The following TLN2 variants were observed in gnomAD, a reference collection of about 807,000 sequenced individuals.
TLN2 encodes talin 2.
TLN2 carries 118 observed loss-of-function variants against 294.7 expected under a neutral mutation model. The ratio of observed to expected loss-of-function variants is 0.40; its 90% confidence interval spans 0.34 to 0.47. The LOEUF is 0.47. Among genes scored for constraint, TLN2 ranks in the 20% least tolerant of loss-of-function variants. TLN2 has a pLI of 0.84. For missense variants in TLN2, 3,083 were observed against 3,282.2 expected (o/e 0.94, Z 1.48); for synonymous variants, 1,431 against 1,304.5 (o/e 1.10, Z -2.09).
At chr15:62,484,357 T>G (rs2038268119) in intron 1 of TLN2, among the ~76,000 whole-genome samples, 1 of 152,146 alleles carries the variant, frequency 6.6e-6, no homozygotes, top group Admixed American at 6.5e-5. Flanking sequence ...ACCAAGTAAG[T>G]TCAACTGAAA....
chr15:62,689,735 T>A (rs2057615287), intron 12 of TLN2, among the ~76,000 whole-genome samples: 1 of 151,566 alleles, frequency 6.6e-6, no homozygotes, highest in Non-Finnish European at 1.5e-5. Flanking sequence ...TTTCTAATGA[T>A]AAATTTGCTG....
intron 3 of TLN2, among the ~76,000 whole-genome samples, chr15:62,641,427 G>A (rs865803916): frequency 5.9e-5 from 9 of 151,786 alleles, no homozygotes; most frequent in African/African-American, 2.2e-4. Context: ...GACCAGCCTG[G>A]CCAACATGGA....
At chr15:62,557,051 C>T (rs2042645598) in intron 1 of TLN2, among the ~76,000 whole-genome samples, 1 of 152,148 alleles carries the variant, frequency 6.6e-6, no homozygotes, top group Non-Finnish European at 1.5e-5. Context: ...GAGGAATTCC[C>T]CATGTATAGG....
intron 27 of TLN2, 30 bp downstream of exon 27, chr15:62,725,134 G>A (rs2060366565): frequency 2.5e-6 from 4 of 1,587,914 alleles, no homozygotes; most frequent in African/African-American, 1.3e-5. Flanking sequence ...TGGGGTGCGG[G>A]TGTACCTTTT....
At chr15:62,505,147 C>T (rs554034312) in intron 1 of TLN2, among the ~76,000 whole-genome samples, 46 of 152,020 alleles carry the variant, frequency 3.0e-4, no homozygotes, top group Non-Finnish European at 5.1e-4. Flanking sequence ...TTAGTAGAGA[C>T]GGGGTTTCAC....
intron 1 of TLN2, among the ~76,000 whole-genome samples, chr15:62,449,388 G>A (rs1241301015): frequency 6.6e-6 from 1 of 152,048 alleles, no homozygotes; most frequent in Non-Finnish European, 1.5e-5. Context: ...AAGATCCTTG[G>A]GGCTGCAGTA....
At position 62,708,756 on chromosome 15, in the gene TLN2, G is replaced by C; in HGVS notation, c.2427G>C (p.Met809Ile). The change falls in exon 21 of 59, where the codon ATG (methionine) becomes ATC (isoleucine). Residue 809 changes from methionine (M) to isoleucine (I), a missense_variant. Transcript: ENST00000636159. ...GRYDQATDTI[M>I]CVTESIFSSM... ...ACGACCAGGCTACTGACACCATCAT[G>C]TGTGTCACCGAGAGCATCTTCAGCT... The C allele has an allele frequency of 6.2e-7, 1 of 1,607,922 alleles. No homozygotes were observed. Among genetic ancestry groups the C allele is most frequent in the Non-Finnish European group, 8.5e-7 (1 of 1,179,982 alleles).
chr15:62,495,004 A>T (rs1216798613), intron 1 of TLN2, among the ~76,000 whole-genome samples: 1 of 152,146 alleles, frequency 6.6e-6, no homozygotes, highest in Non-Finnish European at 1.5e-5. Flanking sequence ...ATGATGCACG[A>T]TGTGGAGCTG....
intron 40 of TLN2, among the ~76,000 whole-genome samples, 155 bp downstream of exon 40, chr15:62,763,850 AC>A (rs1226818271): frequency 6.6e-6 from 1 of 152,102 alleles, no homozygotes; most frequent in Non-Finnish European, 1.5e-5. Flanking sequence ...CAATCTGGGA[AC>A]TTTTTGGAGA....
intron 1 of TLN2, among the ~76,000 whole-genome samples, chr15:62,420,537 C>CA (rs1353039359): frequency 6.6e-6 from 1 of 152,146 alleles, no homozygotes; most frequent in Non-Finnish European, 1.5e-5. Flanking sequence ...GCTGGGACTA[C>CA]AGGCGTGCCA....
chr15:62,487,508 C>T (rs1436441699), intron 1 of TLN2, among the ~76,000 whole-genome samples: 5 of 152,064 alleles, frequency 3.3e-5, no homozygotes, highest in African/African-American at 4.8e-5. Flanking sequence ...CTTGCTGACC[C>T]GCAGACCTAT....
chr15:62,759,045 G>T (rs1341752919), intron 37 of TLN2, among the ~76,000 whole-genome samples: 1 of 152,224 alleles, frequency 6.6e-6, no homozygotes, highest in Non-Finnish European at 1.5e-5. Flanking sequence ...GGGCTTGGGA[G>T]TGTTCTTGTT....
intron 50 of TLN2, among the ~76,000 whole-genome samples, chr15:62,802,946 G>A (rs1489501085): frequency 2.0e-5 from 3 of 152,100 alleles, no homozygotes; most frequent in Non-Finnish European, 4.4e-5. Flanking sequence ...AGAATTGTTT[G>A]AGCTCCTTAC....
At chr15:62,697,626 T>C (rs1490146719) in intron 14 of TLN2, 62 bp from the exon 15 acceptor site, 1 of 1,521,778 alleles carries the variant, frequency 6.6e-7, no homozygotes, top group Admixed American at 2.1e-5. Context: ...ATCTGTGGGG[T>C]CTCCTCATTG....
chr15:62,530,389 G>A (rs919386628), intron 1 of TLN2, among the ~76,000 whole-genome samples: 6 of 151,650 alleles, frequency 4.0e-5, no homozygotes, highest in Non-Finnish European at 7.4e-5. Flanking sequence ...ATGGAGTCTC[G>A]CTCTGTTGCC....
At chr15:62,465,746 A>G (rs2037099123) in intron 1 of TLN2, among the ~76,000 whole-genome samples, 2 of 152,216 alleles carry the variant, frequency 1.3e-5, no homozygotes, top group Admixed American at 1.3e-4. Flanking sequence ...AAATTCTTAC[A>G]TGTACATTGA....
rs140145842 is a variant in TLN2 at position 62,645,515 on chromosome 15, G to A, written c.-36-1760G>A. 1.4e-4 allele frequency among the ~76,000 whole-genome samples: 22 copies of A among 152,320 alleles called. No individual in the cohort carries two copies. In the East Asian group the frequency reaches 3.3e-3, roughly 23 times the overall value. On this transcript the variant is annotated intron_variant, in intron 3 of 58. Transcript: ENST00000636159. ...TTGTGAGACCGTGTAAACCATGCCC[G>A]CATTCACCAAAGCATCTGTTGAAAA...
At chr15:62,736,072 G>A (rs1203156814) in intron 28 of TLN2, among the ~76,000 whole-genome samples, 1 of 152,106 alleles carries the variant, frequency 6.6e-6, no homozygotes, top group Non-Finnish European at 1.5e-5. Flanking sequence ...CAGCACTTTG[G>A]GAGGCCGAGG....
At chr15:62,833,886 C>T (rs565112131) in intron 55 of TLN2, 22 of 395,380 alleles carry the variant, frequency 5.6e-5, no homozygotes, top group African/African-American at 3.9e-4. Flanking sequence ...GGGGCCTGAA[C>T]GAGATATTTA....
Sources: allele counts gnomAD v4.1 joint callset (sites outside exome capture counted in the v4.1 genomes callset), GRCh38; gene constraint gnomAD v4.1.1; transcripts MANE v1.5; gene names NCBI Gene and HGNC (gene_info 2026-07-23, HGNC 2026-07-21).